Variants in SYT1 observed in about 807,000 individuals in gnomAD.
SYT1 encodes synaptotagmin-1.
Under a neutral mutation model 44.8 loss-of-function variants are expected in SYT1, and 8 were observed. The ratio of observed to expected loss-of-function variants is 0.18; its 90% CI spans 0.10 to 0.32. The LOEUF (loss-of-function observed/expected upper bound fraction) is 0.32. Ranked by LOEUF, SYT1 falls within the 10% of genes least tolerant of loss-of-function variation. The pLI is 1.00. For missense variants in SYT1, 286 were observed against 509.3 expected (o/e 0.56, Z 4.22); for synonymous variants, 154 against 188.8 (o/e 0.82, Z 1.51).
chr12:79,058,247 C>CA (rs889776368), intron 3 of SYT1, among the ~76,000 whole-genome samples: 1 of 151,836 alleles, frequency 6.6e-6, no homozygotes, highest in Non-Finnish European at 1.5e-5. Context: ...AGTGGCCACA[C>CA]AAAAAAACCT....
chr12:79,189,674 C>T (rs1873000275), intron 3 of SYT1, among the ~76,000 whole-genome samples: 2 of 152,102 alleles, frequency 1.3e-5, no homozygotes, highest in South Asian at 4.2e-4. Flanking sequence ...GAAGCCAAGG[C>T]AGGCAGATCA....
chr12:79,078,872 G>A (rs566403628), intron 3 of SYT1, among the ~76,000 whole-genome samples: 336 of 152,260 alleles, frequency 2.2e-3, no homozygotes, highest in Non-Finnish European at 3.9e-3. Context: ...TTTGCCCCTG[G>A]ATGCAAATGG....
In SYT1 at chr12:79,123,308, A is replaced by AGTGTGT. The variant is rs763524667; in HGVS notation, c.-18+75946_-18+75947insGTGTGT. On this transcript the variant is annotated intron_variant, in intron 3 of 10. Transcript: ENST00000261205. ...CTGTTACATGTATCTCTAAAAATGC[A>AGTGTGT]ATGTGTGTGTGTGTGTGTGTGTGTG... Among the ~76,000 whole-genome samples the AGTGTGT allele has an allele frequency of 5.2e-3, 505 of 96,522 alleles. 2 individuals are homozygous for AGTGTGT. Among genetic ancestry groups the AGTGTGT allele is most frequent in the South Asian group, 7.1e-3 (18 of 2,532 alleles). 63.3% of individuals were successfully genotyped at this position (96,522 alleles called of 152,430 possible).
At chr12:79,153,957 G>A (rs905755410) in intron 3 of SYT1, among the ~76,000 whole-genome samples, 4 of 152,076 alleles carry the variant, frequency 2.6e-5, no homozygotes, top group African/African-American at 4.8e-5. Flanking sequence ...CATTCAGAAA[G>A]ATTAAAGAAC....
At chr12:79,248,140 C>T (rs1393736881) in intron 4 of SYT1, among the ~76,000 whole-genome samples, 1 of 152,180 alleles carries the variant, frequency 6.6e-6, no homozygotes, top group Non-Finnish European at 1.5e-5. Context: ...AATCACATAA[C>T]ATTGGTGCAA....
chr12:79,159,687 G>A (rs983852465), intron 3 of SYT1, among the ~76,000 whole-genome samples: 7 of 152,124 alleles, frequency 4.6e-5, no homozygotes, highest in Admixed American at 1.3e-4. Flanking sequence ...AAATTGGAAC[G>A]TAACCCCCAT....
At chr12:79,351,300 AT>A (rs1565921172) in intron 8 of SYT1, among the ~76,000 whole-genome samples, 2 of 152,216 alleles carry the variant, frequency 1.3e-5, no homozygotes, top group Non-Finnish European at 1.5e-5. Flanking sequence ...CCTATGTGTC[AT>A]AAGATTGAGG....
chr12:78,960,699 T>C (rs953435317), intron 1 of SYT1: 1 of 152,220 alleles, frequency 6.6e-6, no homozygotes, highest in Non-Finnish European at 1.5e-5. Context: ...TAGAGATGGC[T>C]TCTGGGAGAT....
intron 1 of SYT1, among the ~76,000 whole-genome samples, chr12:78,907,450 A>G (rs1027885190): frequency 6.6e-6 from 1 of 151,940 alleles, no homozygotes; most frequent in South Asian, 2.1e-4. Flanking sequence ...ATTACATAAT[A>G]TATTATATAT....
At chr12:79,389,067 T>C (rs1376138764) in intron 9 of SYT1, among the ~76,000 whole-genome samples, 1 of 152,224 alleles carries the variant, frequency 6.6e-6, no homozygotes, top group East Asian at 1.9e-4. Context: ...CACTTGTTTG[T>C]TACTCTCCAT....
At chr12:79,436,669 T>C (rs939778588) in intron 9 of SYT1, among the ~76,000 whole-genome samples, 4 of 152,148 alleles carry the variant, frequency 2.6e-5, no homozygotes, top group Non-Finnish European at 5.9e-5. Context: ...TTAGCATAAT[T>C]TGAGATTAGA....
chr12:79,318,366 C>T (rs73352927), intron 8 of SYT1, among the ~76,000 whole-genome samples: 1,614 of 152,330 alleles, frequency 0.011, 31 homozygotes, highest in African/African-American at 0.037. Flanking sequence ...TCCTCTGTGA[C>T]CTGGTTTGTC....
intron 3 of SYT1, among the ~76,000 whole-genome samples, chr12:79,179,735 T>C (rs968619488): frequency 3.3e-5 from 5 of 151,854 alleles, no homozygotes; most frequent in Non-Finnish European, 5.9e-5. Context: ...CAGTAGTTTC[T>C]AACGTCCTTG....
At chr12:79,391,285 C>G (rs1044946324) in intron 9 of SYT1, among the ~76,000 whole-genome samples, 3 of 152,122 alleles carry the variant, frequency 2.0e-5, no homozygotes, top group African/African-American at 7.2e-5. Flanking sequence ...TTAAAAATAC[C>G]TGGTGGTTAT....
intron 9 of SYT1, among the ~76,000 whole-genome samples, chr12:79,432,389 G>A (rs1869848999): frequency 6.6e-6 from 1 of 151,632 alleles, no homozygotes; most frequent in Non-Finnish European, 1.5e-5. Flanking sequence ...AGAGGCCCCG[G>A]TGTGTGATGT....
intron 8 of SYT1, among the ~76,000 whole-genome samples, chr12:79,322,669 C>A (rs973483694): frequency 6.6e-6 from 1 of 152,056 alleles, no homozygotes; most frequent in Non-Finnish European, 1.5e-5. Flanking sequence ...AATTATGTGG[C>A]GTCTATGGCA....
chr12:79,108,844 T>C (rs1199872524), intron 3 of SYT1, among the ~76,000 whole-genome samples: 1 of 152,230 alleles, frequency 6.6e-6, no homozygotes, highest in Non-Finnish European at 1.5e-5. Flanking sequence ...AGTAAGTTCA[T>C]GCCTAACATT....
At chr12:79,311,334 G>T (rs1161203503) in intron 8 of SYT1, among the ~76,000 whole-genome samples, 1 of 151,904 alleles carries the variant, frequency 6.6e-6, no homozygotes, top group Non-Finnish European at 1.5e-5. Context: ...TCTCACACCA[G>T]TTAGAATGGC....
At chr12:79,264,668 C>T (rs772560565) in intron 4 of SYT1, among the ~76,000 whole-genome samples, 33 of 152,258 alleles carry the variant, frequency 2.2e-4, no homozygotes, top group Middle Eastern at 3.4e-3. Context: ...AAACATTTAC[C>T]TCAGGTAGTG....
Sources: gnomAD v4.1 joint callset for allele counts (sites outside exome capture counted in the v4.1 genomes callset) on GRCh38, gnomAD v4.1.1 for gene constraint, MANE v1.5 for transcripts, NCBI Gene and HGNC (gene_info 2026-07-23, HGNC 2026-07-21) for gene names.